The following JAKMIP3 variants were observed in gnomAD, a reference collection of about 807,000 sequenced individuals.
JAKMIP3 encodes the protein Janus kinase and microtubule interacting protein 3, also known as janus kinase and microtubule-interacting protein 3.
JAKMIP3 carries 58 observed loss-of-function variants against 118.5 expected under a neutral mutation model. That is an observed-to-expected ratio of 0.49 (90% confidence interval 0.40 to 0.61). The LOEUF is 0.61. JAKMIP3 is among the 20% of genes least tolerant of loss of function. JAKMIP3 has a pLI of 0.00. For missense variants in JAKMIP3, 950 were observed against 1,109.0 expected, an observed-to-expected ratio of 0.86 and a Z score of 2.04; for synonymous variants, 486 against 451.2, an observed-to-expected ratio of 1.08 and a Z score of -0.98.
At chr10:132,160,065 T>C (rs374518671) in intron 19 of JAKMIP3, among the ~76,000 whole-genome samples, 15 of 4,202 alleles carry the variant, frequency 3.6e-3, no homozygotes, top group East Asian at 0.1. Context: ...GGTGGCCTCT[T>C]CCTGTGTGAT....
chr10:132,074,297 C>A (rs564869965), intron 1 of JAKMIP3, among the ~76,000 whole-genome samples: 1 of 152,134 alleles, frequency 6.6e-6, no homozygotes, highest in African/African-American at 2.4e-5. Flanking sequence ...AGTGATCCAC[C>A]CACCTTGGCC....
intron 2 of JAKMIP3, among the ~76,000 whole-genome samples, chr10:132,116,346 G>A (rs543939107): frequency 7.3e-5 from 11 of 151,402 alleles, no homozygotes; most frequent in Admixed American, 6.6e-5. Flanking sequence ...CATCATGGAC[G>A]CTCCCCCCGA....
rs7919591 is a variant in JAKMIP3, at chr10:132,044,744, C to T, written c.-138+8006C>T. 0.22 allele frequency among the ~76,000 whole-genome samples: 32,990 copies of T among 151,964 alleles called. 3,838 individuals carry two copies. The highest frequency in any genetic ancestry group is 0.36 in the East Asian group (1,859 of 5,144). On this transcript the variant is annotated intron_variant, in intron 1 of 23. Coordinates refer to the JAKMIP3 transcript ENST00000657785. This position sits in a 1 kb window ranked among gnomAD's most constrained non-coding sequence, Gnocchi z 5.3. ...GTGTGCGGCTCAGAGTAGGGACAAT[C>T]GCAGTGCTGTGCAAACCACCTCCAG...
intron 1 of JAKMIP3, among the ~76,000 whole-genome samples, chr10:132,083,345 T>C (rs1424579897): frequency 2.0e-5 from 3 of 152,194 alleles, no homozygotes; most frequent in African/African-American, 7.2e-5. Context: ...TCGAGAATTG[T>C]CTATTCATGT....
chr10:132,179,737 A>G lies in JAKMIP3; in HGVS notation c.*1104-2620A>G, dbSNP rs142701543. Among the ~76,000 whole-genome samples the G allele has an allele frequency of 4.0e-3, 611 of 152,104 alleles. 4 individuals carry two copies. The highest frequency in any genetic ancestry group is 0.014 in the African/African-American group (571 of 41,490). ...CACCACGGCAGGGTCGCACCACAGC[A>G]GGGTCACGCCACGGCAGGGTCACAC... On this transcript the variant is annotated intron_variant, in intron 23 of 23. Transcript: ENST00000684848. The surrounding 1 kb of genome is among the most constrained non-coding windows in gnomAD (Gnocchi z 4.3).
In JAKMIP3 at chr10:132,104,712, CCTG is replaced by C; in HGVS notation, c.-93_-91del. 1 of 1,281,894 alleles carries C rather than the reference CCTG, an allele frequency of 7.8e-7. No homozygotes were observed. The highest frequency in any genetic ancestry group is 1.1e-6 in the Non-Finnish European group (1 of 920,232). 79.4% of individuals were successfully genotyped at this position (1,281,894 alleles called of 1,614,324 possible). A position where few individuals can be genotyped will look rare whatever the true frequency, so the allele number is the denominator to read the frequency against. On this transcript the variant is annotated 5_prime_UTR_variant, in exon 2 of 24. Coordinates refer to ENST00000684848, the MANE Select transcript of JAKMIP3 (RefSeq NM_001323087.2). ...TAGTGTGACAGCAGCCCGGGTGACA[CCTG>C]CTGGGAGCTTGGCGTGGACACCCCA...
intron 1 of JAKMIP3, among the ~76,000 whole-genome samples, chr10:132,088,230 G>A (rs2042649667): frequency 6.6e-6 from 1 of 152,050 alleles, no homozygotes; most frequent in Non-Finnish European, 1.5e-5. Context: ...CCCAGTAATG[G>A]GATGGCTGGG....
At chr10:132,067,772 G>A (rs2039067074) in intron 1 of JAKMIP3, among the ~76,000 whole-genome samples, 1 of 147,004 alleles carries the variant, frequency 6.8e-6, no homozygotes, top group Admixed American at 6.8e-5. Context: ...GTGGACTCTG[G>A]GCTTCCGTGT....
At chr10:132,164,632 T>G in intron 20 of JAKMIP3, 38 bp from the exon 21 acceptor site, 1 of 1,341,400 alleles carries the variant, frequency 7.5e-7, no homozygotes, top group South Asian at 1.2e-5. Flanking sequence ...TCCCGAGTAC[T>G]GTGACTATTG....
rs755679984 is a variant in JAKMIP3, at chr10:132,140,509, G to T, written c.1403G>T (p.Gly468Val). The change falls in exon 10 of 24, where the codon GGC (glycine) becomes GTC (valine). Residue 468 changes from glycine to valine, a missense_variant. Gly to Val is a moderately radical substitution (Grantham distance 109). Coordinates refer to ENST00000684848, the MANE Select transcript of JAKMIP3 (RefSeq NM_001323087.2). ...GAAGAGGCTTCCCTGGAATCCGACGGCTCCTCCGTCTCTTACCAAACAGAC... is the reference window on the plus strand; with the variant it reads ...GAAGAGGCTTCCCTGGAATCCGACGTCTCCTCCGTCTCTTACCAAACAGAC... Reference protein sequence around the residue: ...YDEEASLESDGSSVSYQTDRT... With the variant: ...YDEEASLESDVSSVSYQTDRT... 6.2e-7 allele frequency: 1 copy of T among 1,613,818 alleles called. No individual in the cohort carries two copies. Among genetic ancestry groups the T allele is most frequent in the Non-Finnish European group, 8.5e-7 (1 of 1,179,832 alleles).
intron 1 of JAKMIP3, among the ~76,000 whole-genome samples, chr10:132,067,627 TGGGCTTCCGTGTGGACTCTG>T: frequency 6.7e-6 from 1 of 148,818 alleles, no homozygotes; most frequent in East Asian, 2.0e-4. Context: ...GTGTGTACTG[TGGGCTTCCGTGTGGACTCTG>T]GGCTTCCGTG....
At chr10:132,108,341 CTCCCAGCCCTT>C (rs72185060) in intron 2 of JAKMIP3, among the ~76,000 whole-genome samples, 26,726 of 152,036 alleles carry the variant, frequency 0.18, 2,403 homozygotes, top group East Asian at 0.2. Context: ...CTCTCTCCCT[CTCCCAGCCCTT>C]TCATCCTGCC....
rs565344540 is a variant in JAKMIP3 at position 132,167,928 on chromosome 10, G to T, written c.*23-25G>T. ...AGCCAAGCGGAGCCTCGCTGACTCTGCACTCTACGTTTCATTTCTTCCAGC... is the reference window on the plus strand; with the variant it reads ...AGCCAAGCGGAGCCTCGCTGACTCTTCACTCTACGTTTCATTTCTTCCAGC... On this transcript the variant is annotated intron_variant, in intron 22 of 23. Coordinates refer to ENST00000684848, the MANE Select transcript of JAKMIP3 (RefSeq NM_001323087.2). 2.3e-5 allele frequency: 30 copies of T among 1,285,680 alleles called. No homozygotes were observed. The South Asian group carries it at 3.7e-4, about 16-fold the overall frequency. 79.6% of individuals were successfully genotyped at this position (1,285,680 alleles called of 1,614,324 possible). A position where few individuals can be genotyped will look rare whatever the true frequency, so the allele number is the denominator to read the frequency against.
intron 1 of JAKMIP3, among the ~76,000 whole-genome samples, chr10:132,098,809 G>T (rs1277374844): frequency 1.3e-5 from 2 of 152,186 alleles, no homozygotes; most frequent in Admixed American, 6.5e-5. Context: ...CTCAGAGCTG[G>T]ATTTACGACA....
intron 1 of JAKMIP3, among the ~76,000 whole-genome samples, chr10:132,097,903 T>TTCCCCGTTCCTTCCTTCCTTTTCTTGTC (rs1554928094): frequency 1.4e-5 from 1 of 72,874 alleles, no homozygotes; most frequent in Non-Finnish European, 3.0e-5. Context: ...CCCCTTCCCC[T>TTCCCCGTTCCTTCCTTCCTTTTCTTGTC]TCCCCTTCCC....
chr10:132,126,096 T>C (rs2049485617), intron 3 of JAKMIP3, among the ~76,000 whole-genome samples: 1 of 152,146 alleles, frequency 6.6e-6, no homozygotes, highest in Non-Finnish European at 1.5e-5. Context: ...CTTTCCAAGC[T>C]CATACCTTTT....
chr10:132,113,109 A>G (rs1422491173), intron 2 of JAKMIP3, among the ~76,000 whole-genome samples: 1 of 152,086 alleles, frequency 6.6e-6, no homozygotes, highest in African/African-American at 2.4e-5. Context: ...CTCACTAGCC[A>G]CTCTTGGCCT....
intron 11 of JAKMIP3, chr10:132,143,628 T>TA (rs2054020907): frequency 6.6e-6 from 1 of 152,184 alleles, no homozygotes; most frequent in African/African-American, 2.4e-5. Flanking sequence ...AACTAGAAGA[T>TA]ACAGAAAAGA....
chr10:132,050,348 C>T (rs928654437), intron 1 of JAKMIP3, among the ~76,000 whole-genome samples: 1 of 152,212 alleles, frequency 6.6e-6, no homozygotes, highest in Non-Finnish European at 1.5e-5. Context: ...GGCTCACCCA[C>T]GTGGAAAGCA....
Sources: allele counts gnomAD v4.1 joint callset (sites outside exome capture counted in the v4.1 genomes callset), GRCh38; gene constraint gnomAD v4.1.1; non-coding constraint Gnocchi (gnomAD v3.1); transcripts MANE v1.5; gene names NCBI Gene and HGNC (gene_info 2026-07-23, HGNC 2026-07-21).